Variants in GALNT13 observed in about 807,000 individuals in gnomAD.
GALNT13 encodes the protein UDP-GalNAc:polypeptide N-acetylgalactosaminyltransferase 13.
In GALNT13, 28 loss-of-function variants were observed where a neutral mutation model predicts 64.2. That is an observed-to-expected ratio of 0.44 (90% CI 0.32 to 0.60). The LOEUF is 0.60. Ranked by LOEUF, GALNT13 falls within the 20% of genes least tolerant of loss-of-function variation. The probability of loss-of-function intolerance (pLI) is 0.05; values close to 1 mark genes in which losing one functional copy is unlikely to be tolerated. For synonymous variants in GALNT13, 214 were observed against 224.6 expected (o/e 0.95, Z 0.42); for missense variants, 577 against 669.8 (o/e 0.86, Z 1.53).
rs534969042 is a variant in GALNT13, at chr2:154,069,563, C to T, written c.143-70774C>T. 6.6e-5 allele frequency among the ~76,000 whole-genome samples: 10 copies of T among 151,838 alleles called. No homozygotes were observed. In the South Asian group the frequency reaches 2.1e-3, roughly 32 times the overall value. On this transcript the variant is annotated intron_variant, in intron 3 of 12. Coordinates refer to ENST00000392825, the MANE Select transcript of GALNT13 (RefSeq NM_052917.4). ...ATCTATATTTAAGCATGTTTCTTTT[C>T]TTTTGGTGGACATTAAATAATTTTA...
the GALNT13 span, among the ~76,000 whole-genome samples, chr2:153,566,126 T>A: frequency 2.6e-5 from 4 of 152,052 alleles, no homozygotes; most frequent in Non-Finnish European, 5.9e-5. Flanking sequence ...AATAGAAAAT[T>A]CAAAATATGC....
the GALNT13 span, among the ~76,000 whole-genome samples, chr2:153,118,193 A>G: frequency 5.9e-5 from 9 of 151,956 alleles, no homozygotes; most frequent in Non-Finnish European, 1.0e-4. Context: ...AAGAAAAGTC[A>G]ATAGTCTTTA....
the GALNT13 span, among the ~76,000 whole-genome samples, chr2:153,205,807 TGC>T: frequency 6.6e-6 from 1 of 152,112 alleles, no homozygotes; most frequent in Non-Finnish European, 1.5e-5. Context: ...TACAACCTTG[TGC>T]AAAACTGGCT....
the GALNT13 span, among the ~76,000 whole-genome samples, chr2:153,223,924 C>T: frequency 2.6e-5 from 4 of 152,026 alleles, no homozygotes; most frequent in Admixed American, 6.5e-5. Flanking sequence ...GAGCCAAGAT[C>T]GTGCCACTGC....
chr2:153,582,106 T>C, the GALNT13 span, among the ~76,000 whole-genome samples: 16 of 152,286 alleles, frequency 1.1e-4, no homozygotes, highest in Non-Finnish European at 2.2e-4. Flanking sequence ...ACTTCTTGAA[T>C]ATCCGCAAAA....
At chr2:153,925,788 G>T (rs1286233881) in intron 2 of GALNT13, among the ~76,000 whole-genome samples, 2 of 151,924 alleles carry the variant, frequency 1.3e-5, no homozygotes, top group Non-Finnish European at 2.9e-5. Context: ...CTTGTCAGTT[G>T]TATTTCTAAG....
the GALNT13 span, among the ~76,000 whole-genome samples, chr2:153,394,059 G>A: frequency 6.6e-6 from 1 of 151,646 alleles, no homozygotes; most frequent in Admixed American, 6.6e-5. Context: ...GTTAGCCAAT[G>A]AAACGTGAAC....
chr2:153,130,616 T>C, the GALNT13 span, among the ~76,000 whole-genome samples: 34 of 152,256 alleles, frequency 2.2e-4, no homozygotes, highest in South Asian at 7.1e-3. Context: ...GCACCCCAGC[T>C]ACTCTCCCAC....
intron 3 of GALNT13, among the ~76,000 whole-genome samples, chr2:153,993,283 C>A (rs1695286091): frequency 1.3e-5 from 2 of 151,772 alleles, no homozygotes; most frequent in African/African-American, 4.8e-5. Context: ...TAGATGTGTA[C>A]AAATAAAGTG....
chr2:153,846,899 A>C, the GALNT13 span, among the ~76,000 whole-genome samples: 3 of 152,158 alleles, frequency 2.0e-5, no homozygotes, highest in Admixed American at 2.0e-4. Context: ...CTAGAATCAG[A>C]TAACCTGAAG....
chr2:153,622,514 C>T, the GALNT13 span, among the ~76,000 whole-genome samples: 84 of 152,186 alleles, frequency 5.5e-4, no homozygotes, highest in African/African-American at 1.9e-3. Context: ...AGATGATTTG[C>T]GTATTTAGTT....
the GALNT13 span, among the ~76,000 whole-genome samples, chr2:153,226,430 A>G: frequency 6.6e-6 from 1 of 152,164 alleles, no homozygotes; most frequent in African/African-American, 2.4e-5. Context: ...TTTTTTCTCC[A>G]CTTCAGAGTG....
intron 3 of GALNT13, among the ~76,000 whole-genome samples, chr2:154,010,517 A>G (rs779829470): frequency 1.5e-4 from 23 of 152,134 alleles, no homozygotes; most frequent in Non-Finnish European, 2.6e-4. Context: ...TTTTGTGTCT[A>G]TGTTCATCAA....
chr2:153,959,320 A>G (rs1226420378), intron 3 of GALNT13, among the ~76,000 whole-genome samples: 1 of 152,212 alleles, frequency 6.6e-6, no homozygotes, highest in African/African-American at 2.4e-5. Flanking sequence ...GTTGGGGGTC[A>G]CAGAACAGTG....
At chr2:154,020,460 G>C (rs2105275214) in intron 3 of GALNT13, among the ~76,000 whole-genome samples, 1 of 152,228 alleles carries the variant, frequency 6.6e-6, no homozygotes, top group African/African-American at 2.4e-5. Context: ...GTGATGATGA[G>C]CATTTTTTCA....
the GALNT13 span, among the ~76,000 whole-genome samples, chr2:153,523,729 A>G: frequency 1.3e-5 from 2 of 152,180 alleles, no homozygotes; most frequent in East Asian, 1.9e-4. Flanking sequence ...TGAATTTTAT[A>G]TATGGATAAT....
chr2:154,070,018 C>T (rs1700663641), intron 3 of GALNT13, among the ~76,000 whole-genome samples: 2 of 152,030 alleles, frequency 1.3e-5, no homozygotes, highest in South Asian at 4.1e-4. Flanking sequence ...AAAGAATGCA[C>T]TATTAATAAC....
the GALNT13 span, among the ~76,000 whole-genome samples, chr2:153,430,795 C>T: frequency 6.6e-6 from 1 of 151,898 alleles, no homozygotes; most frequent in Non-Finnish European, 1.5e-5. Context: ...TTGAAATCCT[C>T]ACCAGCTCTT....
the GALNT13 span, among the ~76,000 whole-genome samples, chr2:153,326,330 A>G: frequency 9.0e-6 from 1 of 110,606 alleles, no homozygotes; most frequent in Admixed American, 1.0e-4. Context: ...TTCGCTTTCC[A>G]TTTGCTCGGT....
Sources: allele counts gnomAD v4.1 joint callset (sites outside exome capture counted in the v4.1 genomes callset), GRCh38; gene constraint gnomAD v4.1.1; transcripts MANE v1.5; gene names NCBI Gene and HGNC (gene_info 2026-07-23, HGNC 2026-07-21).